CNTNAP2: variants seen among roughly 807,000 people sequenced by gnomAD.
The protein encoded by CNTNAP2 is contactin associated protein 2.
A neutral mutation model predicts 155.2 loss-of-function variants in CNTNAP2; 98 were observed. That is an observed-to-expected ratio of 0.63 (90% CI 0.54 to 0.75). The LOEUF is 0.75. Ranked by LOEUF, CNTNAP2 falls within the 30% of genes least tolerant of loss-of-function variation. CNTNAP2 has a pLI of 0.00. For synonymous variants in CNTNAP2, 651 were observed against 631.2 expected, an observed-to-expected ratio of 1.03 and a Z score of -0.47; for missense variants, 1,727 against 1,688.1, an observed-to-expected ratio of 1.02 and a Z score of -0.40.
intron 1 of CNTNAP2, among the ~76,000 whole-genome samples, chr7:146,711,819 A>AT (rs5888220): frequency 0.079 from 7,443 of 93,972 alleles, 2,201 homozygotes; most frequent in African/African-American, 0.55. Flanking sequence ...TTATGTATAC[A>AT]ATATAGTATA....
chr7:146,553,904 A>G (rs1304729583), intron 1 of CNTNAP2, among the ~76,000 whole-genome samples: 1 of 152,202 alleles, frequency 6.6e-6, no homozygotes, highest in Non-Finnish European at 1.5e-5. Flanking sequence ...ATAGGTGAAT[A>G]TAAAATGATG....
chr7:146,281,351 C>T (rs1326232864), intron 1 of CNTNAP2, among the ~76,000 whole-genome samples: 6 of 152,128 alleles, frequency 3.9e-5, no homozygotes, highest in Non-Finnish European at 8.8e-5. Context: ...TAAGCATCGG[C>T]AAGCTGATGA....
chr7:146,221,027 C>T (rs1799199915), intron 1 of CNTNAP2, among the ~76,000 whole-genome samples: 1 of 152,178 alleles, frequency 6.6e-6, no homozygotes, highest in South Asian at 2.1e-4. Context: ...TTCCAGAGTC[C>T]AGAGTCGTCT....
At chr7:147,978,216 C>A in intron 15 of CNTNAP2, 2 of 555,170 alleles carry the variant, frequency 3.6e-6, no homozygotes, top group Admixed American at 6.1e-5. Flanking sequence ...CCTCTATATT[C>A]ATATGTAACA....
intron 3 of CNTNAP2, among the ~76,000 whole-genome samples, chr7:146,981,399 T>C (rs1798014326): frequency 3.3e-5 from 5 of 152,232 alleles, no homozygotes; most frequent in Admixed American, 3.3e-4. Flanking sequence ...AAACCCTTTT[T>C]ACTGCTACAT....
chr7:146,625,220 T>G (rs1249205625), intron 1 of CNTNAP2, among the ~76,000 whole-genome samples: 18 of 151,946 alleles, frequency 1.2e-4, no homozygotes, highest in Non-Finnish European at 2.4e-4. Context: ...AGCACATTAT[T>G]AATTAGAAGA....
At chr7:146,550,284 G>A (rs1001506983) in intron 1 of CNTNAP2, among the ~76,000 whole-genome samples, 9 of 151,566 alleles carry the variant, frequency 5.9e-5, no homozygotes, top group Admixed American at 2.6e-4. Context: ...AGACTCTTCC[G>A]GTGACCAAAC....
chr7:147,403,948 A>G (rs774864737), intron 10 of CNTNAP2, among the ~76,000 whole-genome samples: 6 of 152,000 alleles, frequency 3.9e-5, no homozygotes, highest in South Asian at 2.1e-4. Context: ...TTTTTCATAC[A>G]TTTCCAGGTT....
chr7:146,721,523 T>A lies in CNTNAP2; in HGVS notation c.98-52748T>A, dbSNP rs1465926408. 4.0e-5 allele frequency among the ~76,000 whole-genome samples: 5 copies of A among 125,198 alleles called. No homozygotes were observed. The East Asian group carries it at 1.2e-3, about 30-fold the overall frequency. 82.1% of individuals were successfully genotyped at this position (125,198 alleles called of 152,430 possible). On this transcript the variant is annotated intron_variant, in intron 1 of 23. Coordinates refer to ENST00000361727, the MANE Select transcript of CNTNAP2 (RefSeq NM_014141.6). ...ATATATTCTATATATACATTCTATA[T>A]ATATTCTATATACATTCTATATATA...
chr7:147,544,274 G>T (rs1799690779), intron 11 of CNTNAP2, among the ~76,000 whole-genome samples: 1 of 152,106 alleles, frequency 6.6e-6, no homozygotes, highest in African/African-American at 2.4e-5. Flanking sequence ...ATTATGCAAA[G>T]AATGATGACT....
chr7:146,183,320 A>G (rs1207540386), intron 1 of CNTNAP2, among the ~76,000 whole-genome samples: 2 of 152,132 alleles, frequency 1.3e-5, no homozygotes, highest in Non-Finnish European at 2.9e-5. Flanking sequence ...GGGATTCATT[A>G]GCTGCAGTTA....
Position 147,946,497 on chromosome 7 carries a change from C to G in CNTNAP2, c.2256-31365C>G, listed in dbSNP as rs139163211. ...CAGAGTACCACTAACATAAGCATGA[C>G]AGAAGGTTTTACACAAAACTTTAGC... On this transcript the variant is annotated intron_variant, in intron 14 of 23. Coordinates refer to ENST00000361727, the MANE Select transcript of CNTNAP2 (RefSeq NM_014141.6). 6.6e-5 allele frequency among the ~76,000 whole-genome samples: 10 copies of G among 152,136 alleles called. No individual in the cohort carries two copies. The East Asian group carries it at 1.9e-3, about 29-fold the overall frequency.
Position 146,116,892 on chromosome 7 carries a change from C to G in CNTNAP2, c.16C>G (p.Arg6Gly), listed in dbSNP as rs1584757095. MQAAP[R>G]AGCGAALLLW... ...GAGGCGAAGGATGCAGGCGGCTCCG[C>G]GCGCCGGCTGCGGGGCAGCGCTCCT... The change falls in exon 1 of 24, where the codon CGC (arginine) becomes GGC (glycine). Residue 6 changes from arginine (R) to glycine (G), a missense_variant. Coordinates refer to ENST00000361727, the MANE Select transcript of CNTNAP2 (RefSeq NM_014141.6). This position sits in a 1 kb window ranked among gnomAD's most constrained non-coding sequence, Gnocchi z 5.5. 4 of 1,546,142 alleles carry G rather than the reference C, an allele frequency of 2.6e-6. No individual in the cohort carries two copies. The highest frequency in any genetic ancestry group is 3.5e-6 in the Non-Finnish European group (4 of 1,143,582).
chr7:147,117,861 C>G (rs574274876), intron 5 of CNTNAP2, among the ~76,000 whole-genome samples: 1 of 152,172 alleles, frequency 6.6e-6, no homozygotes, highest in African/African-American at 2.4e-5. Flanking sequence ...GACACAATAG[C>G]TTCTATAACA....
At chr7:146,362,213 T>C (rs1360199205) in intron 1 of CNTNAP2, among the ~76,000 whole-genome samples, 1 of 152,324 alleles carries the variant, frequency 6.6e-6, no homozygotes, top group African/African-American at 2.4e-5. Context: ...TGAGTGCCTA[T>C]TAAGTATGAT....
chr7:147,194,179 G>C (rs960129347), intron 8 of CNTNAP2, among the ~76,000 whole-genome samples: 1 of 151,874 alleles, frequency 6.6e-6, no homozygotes, highest in Non-Finnish European at 1.5e-5. Context: ...AGAACATGCA[G>C]TATTTGGTTT....
chr7:146,819,972 T>C (rs566693616), intron 2 of CNTNAP2, among the ~76,000 whole-genome samples: 1 of 152,206 alleles, frequency 6.6e-6, no homozygotes, highest in African/African-American at 2.4e-5. Flanking sequence ...TGTTGGAATA[T>C]CCATACAACT....
intron 18 of CNTNAP2, among the ~76,000 whole-genome samples, chr7:148,200,641 A>G (rs554076505): frequency 1.3e-5 from 2 of 152,202 alleles, no homozygotes; most frequent in Non-Finnish European, 2.9e-5. Context: ...GCCCTCTATG[A>G]TAACCTTCAA....
At chr7:147,940,991 A>T (rs1354603208) in intron 14 of CNTNAP2, among the ~76,000 whole-genome samples, 1 of 152,236 alleles carries the variant, frequency 6.6e-6, no homozygotes, top group Non-Finnish European at 1.5e-5. Flanking sequence ...AGAGTAATTT[A>T]TCCTTGCTGG....
Sources: gnomAD v4.1 joint callset for allele counts (sites outside exome capture counted in the v4.1 genomes callset) on GRCh38, gnomAD v4.1.1 for gene constraint, Gnocchi (gnomAD v3.1) non-coding constraint, MANE v1.5 for transcripts, NCBI Gene and HGNC (gene_info 2026-07-23, HGNC 2026-07-21) for gene names.